Variants in DOCK1 observed in about 807,000 individuals in gnomAD.
DOCK1 encodes the protein dedicator of cytokinesis protein 1.
Under a neutral mutation model 262.7 loss-of-function variants are expected in DOCK1, and 138 were observed. The ratio of observed to expected loss-of-function variants is 0.53; its 90% CI spans 0.46 to 0.61. DOCK1 has a LOEUF of 0.61. DOCK1 is among the 20% of genes least tolerant of loss of function. DOCK1 has a pLI of 0.00. For missense variants in DOCK1, 1,908 were observed against 2,370.7 expected, an observed-to-expected ratio of 0.80 and a Z score of 4.05; for synonymous variants, 866 against 867.4, an observed-to-expected ratio of 1.00 and a Z score of 0.03.
At chr10:127,160,007 T>G (rs1277540510) in intron 27 of DOCK1, among the ~76,000 whole-genome samples, 1 of 152,152 alleles carries the variant, frequency 6.6e-6, no homozygotes, top group Admixed American at 6.5e-5. Flanking sequence ...CTGCAAGCTT[T>G]CTTCCCGGCC....
chr10:127,173,375 T>TA (rs1333423682), intron 27 of DOCK1, among the ~76,000 whole-genome samples: 3 of 152,220 alleles, frequency 2.0e-5, no homozygotes, highest in African/African-American at 7.2e-5. Flanking sequence ...ACCACACTGC[T>TA]AGATGGATGG....
chr10:127,086,497 A>T (rs1247599068), intron 23 of DOCK1, among the ~76,000 whole-genome samples: 3 of 152,244 alleles, frequency 2.0e-5, no homozygotes, highest in Non-Finnish European at 4.4e-5. Flanking sequence ...TCTTGCTGGC[A>T]TGAACATAAT....
chr10:127,222,452 T>G (rs140840200), intron 27 of DOCK1, among the ~76,000 whole-genome samples: 2 of 152,326 alleles, frequency 1.3e-5, no homozygotes, highest in Admixed American at 6.5e-5. Context: ...TTTCAAACAT[T>G]AGTTTTTGAA....
At chr10:126,987,493 C>G (rs753854101) in intron 4 of DOCK1, 28 bp from the exon 5 acceptor site, 1 of 1,549,826 alleles carries the variant, frequency 6.5e-7, no homozygotes, top group East Asian at 2.4e-5. Flanking sequence ...ACCGTGGACT[C>G]AGCTGCTCTT....
chr10:127,052,346 A>G (rs189278921), intron 21 of DOCK1, among the ~76,000 whole-genome samples: 151 of 151,444 alleles, frequency 1.0e-3, no homozygotes, highest in African/African-American at 3.4e-3. Flanking sequence ...GCAAATGGTG[A>G]GCTCCTGTCT....
chr10:127,376,855 G>A (rs998732769), intron 35 of DOCK1, among the ~76,000 whole-genome samples: 4 of 152,166 alleles, frequency 2.6e-5, no homozygotes, highest in Non-Finnish European at 4.4e-5. Context: ...ATGGTGGTGT[G>A]CTCTGAATAT....
At position 127,452,291 on chromosome 10, in the gene DOCK1, G is replaced by T. The variant is rs1042821832; in HGVS notation, c.*864G>T. ...CCATATGTGTTCTTAATTTTTAACT[G>T]CTGGAAGTGTTAAAACACACACACA... On this transcript the variant is annotated 3_prime_UTR_variant, in exon 52 of 52. Transcript: ENST00000623213. The T allele has an allele frequency of 6.8e-6, 1 of 145,996 alleles. No homozygotes were observed. The highest frequency in any genetic ancestry group is 1.5e-5 in the Non-Finnish European group (1 of 66,324). The allele number at this position is 145,996 out of a possible 1,614,324, so 9.0% of individuals were successfully genotyped here. A position where few individuals can be genotyped will look rare whatever the true frequency, so the allele number is the denominator to read the frequency against.
chr10:127,064,381 A>T (rs2045726025), intron 23 of DOCK1, among the ~76,000 whole-genome samples: 1 of 152,328 alleles, frequency 6.6e-6, no homozygotes, highest in South Asian at 2.1e-4. Context: ...TTTACGCCTC[A>T]TTGAAGAGGG....
At chr10:127,402,954 G>A in intron 38 of DOCK1, 101 bp from the exon 39 acceptor site, 1 of 1,054,366 alleles carries the variant, frequency 9.5e-7, no homozygotes, top group Non-Finnish European at 1.4e-6. Context: ...TCATTCAAAT[G>A]TACTTCTACA....
At chr10:127,097,251 T>G (rs1241235253) in intron 23 of DOCK1, among the ~76,000 whole-genome samples, 1 of 152,256 alleles carries the variant, frequency 6.6e-6, no homozygotes, top group Non-Finnish European at 1.5e-5. Context: ...TTGGTTCAGT[T>G]TTGACCTCAG....
At chr10:127,203,715 C>T (rs932120059) in intron 27 of DOCK1, among the ~76,000 whole-genome samples, 7 of 150,710 alleles carry the variant, frequency 4.6e-5, no homozygotes, top group African/African-American at 9.8e-5. Context: ...TTGCACTGCA[C>T]GGTAGGGCTG....
Position 127,415,230 on chromosome 10 carries a change from G to T in DOCK1, c.4507G>T (p.Val1503Phe), listed in dbSNP as rs914199655. ...TTTAAGGTGGTTTGAGGTCAAGTCT[G>T]TTTTCATGGTAAGGATGGCCCCACC... ...GILRWFEVKS[V>F]FMVEISPLEN... The change falls in exon 44 of 52, where the codon GTT (valine) becomes TTT (phenylalanine). Residue 1503 changes from valine (V) to phenylalanine (F), a missense_variant. Coordinates refer to ENST00000623213, the MANE Select transcript of DOCK1 (RefSeq NM_001290223.2). The T allele has an allele frequency of 5.5e-5, 88 of 1,613,176 alleles. No individual in the cohort carries two copies. In the Admixed American group the frequency reaches 1.4e-3, roughly 26 times the overall value.
At chr10:127,156,592 A>T (rs1416960566) in intron 27 of DOCK1, among the ~76,000 whole-genome samples, 3 of 73,112 alleles carry the variant, frequency 4.1e-5, no homozygotes, top group African/African-American at 5.3e-5. Flanking sequence ...TTTGAGACCA[A>T]GTTTCGCTCT....
At position 127,299,959 on chromosome 10, in the gene DOCK1, T is replaced by C. The variant is rs375091588; in HGVS notation, c.3045-39047T>C. ...GCAAAGTTCCTTATCTCAGGCTCCATGGCATTTCTCAGAGCATCCGGCCAT... is the reference window on the plus strand; with the variant it reads ...GCAAAGTTCCTTATCTCAGGCTCCACGGCATTTCTCAGAGCATCCGGCCAT... On this transcript the variant is annotated intron_variant, in intron 29 of 51. Coordinates refer to ENST00000623213, the MANE Select transcript of DOCK1 (RefSeq NM_001290223.2). Among the ~76,000 whole-genome samples the C allele has an allele frequency of 1.3e-4, 20 of 152,324 alleles. No homozygotes were observed. In the East Asian group the frequency reaches 3.5e-3, roughly 26 times the overall value.
chr10:127,354,902 A>G (rs2064065481), intron 32 of DOCK1, among the ~76,000 whole-genome samples, 175 bp downstream of exon 32: 1 of 152,214 alleles, frequency 6.6e-6, no homozygotes, highest in Non-Finnish European at 1.5e-5. Flanking sequence ...TAGAAGACCA[A>G]AGGCAAGGAA....
At chr10:127,330,366 C>T in intron 29 of DOCK1, among the ~76,000 whole-genome samples, 1 of 150,880 alleles carries the variant, frequency 6.6e-6, no homozygotes, top group East Asian at 1.9e-4. Context: ...TCTAATAAAA[C>T]TTTATTTAAA....
At chr10:127,131,538 G>A (rs1227718922) in intron 27 of DOCK1, among the ~76,000 whole-genome samples, 1 of 152,202 alleles carries the variant, frequency 6.6e-6, no homozygotes, top group Non-Finnish European at 1.5e-5. Context: ...GTGGGACCTT[G>A]TAATCCCCAA....
rs918441021 is a variant in DOCK1 at position 127,301,839 on chromosome 10, G to A, written c.3045-37167G>A. Among the ~76,000 whole-genome samples, 7 of 151,904 alleles carry A rather than the reference G, an allele frequency of 4.6e-5. No homozygotes were observed. The Middle Eastern group carries it at 0.01, about 223-fold the overall frequency. On this transcript the variant is annotated intron_variant, in intron 29 of 51. Coordinates refer to ENST00000623213, the MANE Select transcript of DOCK1 (RefSeq NM_001290223.2). ...CGGGTGCCTGTAGTCCCAGCTACTC[G>A]GGAGGCTGAGGCAGGAGAATCACTT...
intron 25 of DOCK1, among the ~76,000 whole-genome samples, chr10:127,121,486 C>CGTGT (rs2049573746): frequency 2.7e-4 from 12 of 43,790 alleles, no homozygotes; most frequent in Admixed American, 1.1e-3. Context: ...TCTATCTGTC[C>CGTGT]GTCTGTCTGT....
Sources: gnomAD v4.1 joint callset for allele counts (sites outside exome capture counted in the v4.1 genomes callset) on GRCh38, gnomAD v4.1.1 for gene constraint, MANE v1.5 for transcripts, NCBI Gene and HGNC (gene_info 2026-07-23, HGNC 2026-07-21) for gene names.